XPO6: variants seen among roughly 807,000 people sequenced by gnomAD.
The protein encoded by XPO6 is exportin-6.
XPO6 carries 3 observed loss-of-function variants against 130.0 expected under a neutral mutation model. The observed-to-expected ratio is 0.02, with a 90% CI of 0.01 to 0.06. The LOEUF (loss-of-function observed/expected upper bound fraction) is 0.06. XPO6 is among the 10% of genes least tolerant of loss of function. XPO6 has a pLI of 1.00. For synonymous variants in XPO6, 524 were observed against 548.9 expected, an observed-to-expected ratio of 0.95 and a Z score of 0.63; for missense variants, 970 against 1,393.0, an observed-to-expected ratio of 0.70 and a Z score of 4.83.
chr16:28,201,241 T>C (rs894727423), intron 1 of XPO6, among the ~76,000 whole-genome samples: 2 of 152,190 alleles, frequency 1.3e-5, no homozygotes, highest in Non-Finnish European at 2.9e-5. Context: ...AAATACAAGG[T>C]GTTACTGCAT....
intron 1 of XPO6, among the ~76,000 whole-genome samples, chr16:28,206,810 AC>A (rs1366841717): frequency 3.9e-5 from 6 of 152,128 alleles, no homozygotes; most frequent in Non-Finnish European, 8.8e-5. Context: ...ATCTCCCTGC[AC>A]CCCCATGTCT....
At chr16:28,118,163 CTAT>C in intron 14 of XPO6, among the ~76,000 whole-genome samples, 1 of 152,332 alleles carries the variant, frequency 6.6e-6, no homozygotes, top group Non-Finnish European at 1.5e-5. Flanking sequence ...GGTGGTACTA[CTAT>C]GAGGTGACAC....
At chr16:28,181,086 C>T in intron 1 of XPO6, 55 bp from the exon 2 acceptor site, 2 of 1,368,364 alleles carry the variant, frequency 1.5e-6, no homozygotes, top group East Asian at 2.3e-5. Context: ...TTCCACTGTT[C>T]CTCAGTTCCT....
chr16:28,197,073 G>A (rs2043875912), intron 1 of XPO6, among the ~76,000 whole-genome samples: 1 of 152,126 alleles, frequency 6.6e-6, no homozygotes, highest in Non-Finnish European at 1.5e-5. Flanking sequence ...CCAAAATGGT[G>A]AAACCCCGTC....
intron 8 of XPO6, among the ~76,000 whole-genome samples, chr16:28,146,949 T>A (rs780575972): frequency 4.6e-5 from 7 of 152,126 alleles, no homozygotes; most frequent in Non-Finnish European, 7.4e-5. Flanking sequence ...CAACACAATC[T>A]CCAACAGCTA....
chr16:28,136,216 GTT>G (rs1478678629), intron 9 of XPO6, among the ~76,000 whole-genome samples: 6 of 152,036 alleles, frequency 3.9e-5, no homozygotes, highest in Non-Finnish European at 8.8e-5. Context: ...GTTTTGTTTT[GTT>G]TTGTTTTGTT....
At chr16:28,194,003 G>A (rs1373246381) in intron 1 of XPO6, among the ~76,000 whole-genome samples, 1 of 152,108 alleles carries the variant, frequency 6.6e-6, no homozygotes, top group Admixed American at 6.6e-5. Flanking sequence ...ATCAGGGCAG[G>A]TCGCATCTAA....
chr16:28,113,751 A>G lies in XPO6; in HGVS notation c.2005-701T>C, dbSNP rs1353538180. On this transcript the variant is annotated intron_variant, in intron 15 of 23. Transcript: ENST00000304658. ...CTAAGAAGATTACCTAAAAGGGTAA[A>G]GCTACATTCATGAATGTGTGCATTT... 3.3e-5 allele frequency among the ~76,000 whole-genome samples: 5 copies of G among 151,458 alleles called. No individual in the cohort carries two copies. In the Admixed American group the frequency reaches 3.3e-4, roughly 10 times the overall value.
At chr16:28,153,037 C>T (rs2043121989) in intron 7 of XPO6, 2 of 1,103,278 alleles carry the variant, frequency 1.8e-6, no homozygotes, top group South Asian at 2.7e-5. Context: ...CTAGTGCGCT[C>T]ACATTTTCTA....
chr16:28,123,568 T>C (rs1001703154), intron 13 of XPO6, among the ~76,000 whole-genome samples: 3 of 152,222 alleles, frequency 2.0e-5, no homozygotes, highest in African/African-American at 7.2e-5. Flanking sequence ...AAATACAAAC[T>C]TGTATTTGTA....
At chr16:28,148,241 A>G (rs1291662002) in intron 8 of XPO6, among the ~76,000 whole-genome samples, 2 of 152,210 alleles carry the variant, frequency 1.3e-5, no homozygotes, top group Admixed American at 6.5e-5. Flanking sequence ...AGGACTTGCT[A>G]TATGCTCAAG....
rs1032653998 is a variant in XPO6 at position 28,098,442 on chromosome 16, G to A, written c.*96C>T. 7.3e-6 allele frequency: 8 copies of A among 1,096,242 alleles called. No individual in the cohort carries two copies. Among genetic ancestry groups the A allele is most frequent in the Middle Eastern group, 2.8e-4 (1 of 3,534 alleles). 67.9% of individuals were successfully genotyped at this position (1,096,242 alleles called of 1,614,324 possible). A position where few individuals can be genotyped will look rare whatever the true frequency, so the allele number is the denominator to read the frequency against. On this transcript the variant is annotated 3_prime_UTR_variant, in exon 24 of 24. Transcript: ENST00000304658. ...TGCTTGCGGTGGGAGAAGCCAAGGAGTGTGACCAAGGCCCATCTGGGAGAC... is the reference window on the plus strand; with the variant it reads ...TGCTTGCGGTGGGAGAAGCCAAGGAATGTGACCAAGGCCCATCTGGGAGAC...
At chr16:28,175,872 T>TA in intron 4 of XPO6, 26 bp downstream of exon 4, 1 of 1,600,838 alleles carries the variant, frequency 6.2e-7, no homozygotes, top group Non-Finnish European at 8.6e-7. Flanking sequence ...ATTCACAAGA[T>TA]AAAGTTTCCT....
In XPO6 at chr16:28,106,186, C is replaced by T; in HGVS notation, c.2641G>A (p.Glu881Lys). 1 of 1,614,116 alleles carries T rather than the reference C, an allele frequency of 6.2e-7. No homozygotes were observed. ...REQLAESILH[E>K]GSTGCRVVEK... ...ACCACCCGGCAGCCTGTGCTGCCCT[C>T]GTGGAGGATGCTCTCGGCTAACTGC... Residue 881 changes from glutamate (E) to lysine (K), a missense_variant, in exon 20 of 24, where the codon GAG becomes AAG. Transcript: ENST00000304658. The surrounding 1 kb of genome is among the most constrained non-coding windows in gnomAD (Gnocchi z 4.2).
intron 20 of XPO6, 150 bp from the exon 21 acceptor site, chr16:28,104,857 C>A (rs1377326926): frequency 1.0e-5 from 9 of 883,804 alleles, no homozygotes; most frequent in Non-Finnish European, 1.5e-5. Context: ...GCGCAAAAGA[C>A]ATCCAGCCCC....
intron 7 of XPO6, chr16:28,154,357 T>C (rs1174761835): frequency 1.2e-6 from 1 of 865,626 alleles, no homozygotes; most frequent in Admixed American, 6.2e-5. Flanking sequence ...AACAAGGCTG[T>C]TCAGTAGCTA....
intron 1 of XPO6, among the ~76,000 whole-genome samples, chr16:28,195,654 G>A (rs1028450353): frequency 1.3e-5 from 2 of 152,214 alleles, no homozygotes; most frequent in Non-Finnish European, 2.9e-5. Flanking sequence ...TCGGGAGGTT[G>A]AGGCAGAAGA....
chr16:28,139,327 G>A (rs911425316), intron 9 of XPO6, among the ~76,000 whole-genome samples: 5 of 152,224 alleles, frequency 3.3e-5, no homozygotes, highest in African/African-American at 1.2e-4. Flanking sequence ...GCATCTTGAA[G>A]TGGAACTTCT....
chr16:28,207,186 T>A (rs2044044957), intron 1 of XPO6, among the ~76,000 whole-genome samples: 1 of 151,226 alleles, frequency 6.6e-6, no homozygotes, highest in African/African-American at 2.4e-5. Flanking sequence ...AGGCAGAGGT[T>A]GCAGTAAGCC....
Sources: allele counts gnomAD v4.1 joint callset (sites outside exome capture counted in the v4.1 genomes callset), GRCh38; gene constraint gnomAD v4.1.1; non-coding constraint Gnocchi (gnomAD v3.1); transcripts MANE v1.5; gene names NCBI Gene and HGNC (gene_info 2026-07-23, HGNC 2026-07-21).